Variants in GRIP1 observed in about 807,000 individuals in gnomAD.
GRIP1 encodes glutamate receptor interacting protein 1.
GRIP1 carries 45 observed loss-of-function variants against 129.9 expected under a neutral mutation model. That is an observed-to-expected ratio of 0.35 (90% CI 0.27 to 0.44). The LOEUF (loss-of-function observed/expected upper bound fraction) is 0.44, where lower values mean the gene tolerates loss of function less well. GRIP1 is among the 20% of genes least tolerant of loss of function. GRIP1 has a pLI of 1.00. For synonymous variants in GRIP1, 530 were observed against 520.8 expected (o/e 1.02, Z -0.24); for missense variants, 1,196 against 1,396.8 (o/e 0.86, Z 2.29).
chr12:66,370,261 C>T (rs1281659335), intron 23 of GRIP1, among the ~76,000 whole-genome samples: 2 of 152,210 alleles, frequency 1.3e-5, no homozygotes, highest in Admixed American at 1.3e-4. Flanking sequence ...CCATTATCTT[C>T]CCACTGTTTC....
chr12:66,993,633 A>C (rs2042425619), intron 1 of GRIP1, among the ~76,000 whole-genome samples: 1 of 151,926 alleles, frequency 6.6e-6, no homozygotes, highest in Non-Finnish European at 1.5e-5. Context: ...TCTACTAAAC[A>C]TACAAAAATT....
chr12:66,929,826 GT>G (rs1414287512), intron 1 of GRIP1, among the ~76,000 whole-genome samples: 1 of 152,098 alleles, frequency 6.6e-6, no homozygotes, highest in Non-Finnish European at 1.5e-5. Flanking sequence ...CTTCACTTCT[GT>G]CACCTGCTCA....
chr12:66,716,541 T>G (rs1328537795), intron 1 of GRIP1, among the ~76,000 whole-genome samples: 1 of 151,694 alleles, frequency 6.6e-6, no homozygotes, highest in East Asian at 1.9e-4. Flanking sequence ...TTAAATTTTA[T>G]TATTATTATA....
intron 1 of GRIP1, among the ~76,000 whole-genome samples, chr12:66,802,632 T>C (rs1216768347): frequency 1.3e-5 from 2 of 152,168 alleles, no homozygotes; most frequent in African/African-American, 2.4e-5. Context: ...CAAACATATA[T>C]CATGGTACAA....
chr12:66,688,665 TA>T lies in GRIP1; in HGVS notation c.-419-58330del, dbSNP rs1021630798. Among the ~76,000 whole-genome samples, 12 of 151,910 alleles carry T rather than the reference TA, an allele frequency of 7.9e-5. No individual in the cohort carries two copies. In the South Asian group the frequency reaches 2.3e-3, roughly 29 times the overall value. Reference sequence around the variant, plus strand: ...CCCAGAAGGGTCCTTTTCTTTCACTTAAAAAAACAGTGCCTATTATTTTCCA... The same window carrying T: ...CCCAGAAGGGTCCTTTTCTTTCACTTAAAAAACAGTGCCTATTATTTTCCA... On this transcript the variant is annotated intron_variant, in intron 1 of 4. Transcript: ENST00000538373.
At chr12:66,452,137 A>G (rs1261910474) in intron 11 of GRIP1, among the ~76,000 whole-genome samples, 2 of 152,222 alleles carry the variant, frequency 1.3e-5, no homozygotes, top group East Asian at 1.9e-4. Context: ...CCCAGGGTAC[A>G]GTGGTGGGGA....
intron 1 of GRIP1, among the ~76,000 whole-genome samples, chr12:66,625,683 G>A (rs2029932087): frequency 6.6e-6 from 1 of 151,876 alleles, no homozygotes; most frequent in South Asian, 2.1e-4. Flanking sequence ...TCACTGAGGT[G>A]GAAAAATTAT....
intron 1 of GRIP1, among the ~76,000 whole-genome samples, chr12:67,047,937 C>T (rs1187646256): frequency 1.3e-5 from 2 of 152,120 alleles, no homozygotes; most frequent in Non-Finnish European, 2.9e-5. Context: ...CTTTTCTAAT[C>T]ACATAAGTAA....
chr12:66,975,763 C>A (rs1278758871), intron 1 of GRIP1, among the ~76,000 whole-genome samples: 1 of 152,036 alleles, frequency 6.6e-6, no homozygotes. Context: ...AGGTTTGGAC[C>A]AAGGCACTAG....
At chr12:66,828,521 A>G (rs2039458065) in intron 1 of GRIP1, among the ~76,000 whole-genome samples, 1 of 152,204 alleles carries the variant, frequency 6.6e-6, no homozygotes, top group South Asian at 2.1e-4. Context: ...CTCATTTTAG[A>G]AAAGTAAAAA....
intron 19 of GRIP1, among the ~76,000 whole-genome samples, chr12:66,386,691 C>G (rs2137455330): frequency 2.0e-5 from 3 of 152,288 alleles, no homozygotes; most frequent in Middle Eastern, 6.8e-3. Flanking sequence ...AATTTTGGGA[C>G]TGTAGCTCTT....
intron 7 of GRIP1, among the ~76,000 whole-genome samples, chr12:66,472,680 C>T (rs1021155765): frequency 5.9e-5 from 9 of 152,244 alleles, no homozygotes; most frequent in South Asian, 2.1e-4. Context: ...AAGGGCAAGC[C>T]GAAGCAGGGT....
intron 16 of GRIP1, among the ~76,000 whole-genome samples, chr12:66,401,245 T>TTG (rs2056976551): frequency 6.6e-6 from 1 of 152,108 alleles, no homozygotes; most frequent in Non-Finnish European, 1.5e-5. Flanking sequence ...TCATTGGGCC[T>TTG]CACTAGGTGC....
chr12:66,822,788 G>A (rs937419184), intron 1 of GRIP1, among the ~76,000 whole-genome samples: 1 of 152,068 alleles, frequency 6.6e-6, no homozygotes, highest in Non-Finnish European at 1.5e-5. Flanking sequence ...ACTTATAAGT[G>A]GAAGCAGAAC....
At chr12:66,612,196 G>A (rs1034928545) in intron 1 of GRIP1, among the ~76,000 whole-genome samples, 1 of 152,126 alleles carries the variant, frequency 6.6e-6, no homozygotes, top group African/African-American at 2.4e-5. Flanking sequence ...GTATCATTAG[G>A]TGATTTCTTC....
chr12:66,890,657 A>G (rs1033194284), intron 1 of GRIP1, among the ~76,000 whole-genome samples: 4 of 152,210 alleles, frequency 2.6e-5, no homozygotes, highest in African/African-American at 9.7e-5. Context: ...AAATTAGGGG[A>G]AAAAAGAATA....
intron 8 of GRIP1, among the ~76,000 whole-genome samples, chr12:66,465,033 C>T (rs1181755245): frequency 2.0e-5 from 3 of 150,804 alleles, no homozygotes; most frequent in African/African-American, 4.9e-5. Flanking sequence ...CAACCTCTGC[C>T]TCGCGAGTTT....
At chr12:66,908,766 GC>G (rs2040979257) in intron 1 of GRIP1, among the ~76,000 whole-genome samples, 1 of 152,190 alleles carries the variant, frequency 6.6e-6, no homozygotes, top group Non-Finnish European at 1.5e-5. Flanking sequence ...GATGATGGTA[GC>G]TGCAATAATT....
chr12:66,392,846 A>G, intron 17 of GRIP1, 30 bp from the exon 18 acceptor site: 2 of 1,604,372 alleles, frequency 1.2e-6, no homozygotes, highest in Non-Finnish European at 1.7e-6. Flanking sequence ...TAGGAGAGGT[A>G]GAAATAATCC....
Sources: allele counts gnomAD v4.1 joint callset (sites outside exome capture counted in the v4.1 genomes callset), GRCh38; gene constraint gnomAD v4.1.1; transcripts MANE v1.5; gene names NCBI Gene and HGNC (gene_info 2026-07-23, HGNC 2026-07-21).